The following EID2B variants were observed in gnomAD, a reference collection of about 807,000 sequenced individuals.
EID2B encodes EP300-interacting inhibitor of differentiation 2B.
EID2B carries 6 observed loss-of-function variants against 5.9 expected under a neutral mutation model. The ratio of observed to expected loss-of-function variants is 1.01; its 90% CI spans 0.55 to 2.00. The LOEUF is 2.00. Ranked by LOEUF, EID2B falls within the 30% of genes most tolerant of loss-of-function variation. EID2B has a pLI of 0.00. For missense variants in EID2B, 234 were observed against 228.1 expected (o/e 1.03, Z -0.17); for synonymous variants, 94 against 104.2 (o/e 0.90, Z 0.60).
In EID2B at chr19:39,532,505, G is replaced by C; in HGVS notation, c.298C>G (p.Leu100Val). The change falls in exon 1 of 1, where the codon CTG (leucine) becomes GTG (valine). Residue 100 changes from leucine to valine, a missense_variant. Leu to Val is a conservative substitution (Grantham distance 32, BLOSUM62 1). Coordinates refer to ENST00000326282, the MANE Select transcript of EID2B (RefSeq NM_152361.3). ...ACCGGAATCATGGAGCTACCATCCA[G>C]ATACTCGCGGAACAACAGCTGCCGG... ...INRQLLFREY[L>V]DGSSMIPVRL... The C allele has an allele frequency of 1.9e-6, 3 of 1,614,172 alleles. No homozygotes were observed. Among genetic ancestry groups the C allele is most frequent in the Non-Finnish European group, 2.5e-6 (3 of 1,180,044 alleles).
In EID2B at chr19:39,531,887, A is replaced by C; in HGVS notation, c.*430T>G. 1 of 155,278 alleles carries C rather than the reference A, an allele frequency of 6.4e-6. No homozygotes were observed. The highest frequency in any genetic ancestry group is 1.4e-5 in the Non-Finnish European group (1 of 70,140). 9.6% of individuals were successfully genotyped at this position (155,278 alleles called of 1,614,324 possible). A position where few individuals can be genotyped will look rare whatever the true frequency, so the allele number is the denominator to read the frequency against. On this transcript the variant is annotated 3_prime_UTR_variant, in exon 1 of 1. Coordinates refer to ENST00000326282, the MANE Select transcript of EID2B (RefSeq NM_152361.3). ...ACCATCCTTTATGGTGAAAGTCATG[A>C]AGGATTCTTCACAAATGCAGGAAAA...
rs1971969506 is a variant in EID2B, at chr19:39,532,159, G to A, written c.*158C>T. Reference sequence around the variant, plus strand: ...CAGTCTTGTCTGTTTCCATTTCGGAGTGTGCTTCCTCCTTCAATTGCACAT... The same window carrying A: ...CAGTCTTGTCTGTTTCCATTTCGGAATGTGCTTCCTCCTTCAATTGCACAT... On this transcript the variant is annotated 3_prime_UTR_variant, in exon 1 of 1. Coordinates refer to ENST00000326282, the MANE Select transcript of EID2B (RefSeq NM_152361.3). 2 of 786,202 alleles carry A rather than the reference G, an allele frequency of 2.5e-6. No individual in the cohort carries two copies. The highest frequency in any genetic ancestry group is 2.0e-6 in the Non-Finnish European group (1 of 500,122). The allele number at this position is 786,202 out of a possible 1,614,324, so 48.7% of individuals were successfully genotyped here. A position where few individuals can be genotyped will look rare whatever the true frequency, so the allele number is the denominator to read the frequency against.
rs1343924084 is a variant in EID2B at position 39,531,280 on chromosome 19, T to A, written c.*1037A>T. 2.0e-5 allele frequency: 3 copies of A among 152,328 alleles called. No homozygotes were observed. Among genetic ancestry groups the A allele is most frequent in the African/African-American group, 7.2e-5 (3 of 41,464 alleles). 9.4% of individuals were successfully genotyped at this position (152,328 alleles called of 1,614,324 possible). A position where few individuals can be genotyped will look rare whatever the true frequency, so the allele number is the denominator to read the frequency against. On this transcript the variant is annotated 3_prime_UTR_variant, in exon 1 of 1. Coordinates refer to ENST00000326282, the MANE Select transcript of EID2B (RefSeq NM_152361.3). ...CCTCCGCCTCCCAGGTTCAAGTGATTCTCCTGCCTCAGCCTCCCGAGTAGC... is the reference window on the plus strand; with the variant it reads ...CCTCCGCCTCCCAGGTTCAAGTGATACTCCTGCCTCAGCCTCCCGAGTAGC...
In EID2B at chr19:39,532,469, G is replaced by C. The variant is rs577606388; in HGVS notation, c.334C>G (p.Arg112Gly). 3 of 1,614,166 alleles carry C rather than the reference G, an allele frequency of 1.9e-6. No individual in the cohort carries two copies. The Admixed American group carries it at 5.0e-5, about 27-fold the overall frequency. ...AGCCTGCGGCGTTCCTCGAAATCCC[G>C]TAGTAATCTGACCGGAATCATGGAG... ...GSSMIPVRLL[R>G]DFEERRRLFV... The change falls in exon 1 of 1, where the codon CGG becomes GGG. Residue 112 changes from arginine (R) to glycine (G), a missense_variant. By Grantham distance (125) the Arg-to-Gly change is moderately radical (BLOSUM62 -2). Transcript: ENST00000326282.
Position 39,532,797 on chromosome 19 carries a change from C to A in EID2B, c.6G>T (p.Ala2=). 6.2e-7 allele frequency: 1 copy of A among 1,609,714 alleles called. No individual in the cohort carries two copies. The highest frequency in any genetic ancestry group is 1.3e-5 in the African/African-American group (1 of 75,066). Residue 2 remains alanine, a synonymous_variant, in exon 1 of 1, where the codon GCG becomes GCT. Transcript: ENST00000326282. ...ACATCTCCAACAGCCCAGTCGGCTC[C>A]GCCATAGTCCCAGCGTTTCTACGGA... M[A]EPTGLLEMSE...
rs1472514070 is a variant in EID2B at position 39,532,337 on chromosome 19, G to C, written c.466C>G (p.Leu156Val). ...CCGACTCAGTCGGCCAGAGGACTGAGGGCCTCGGAGGCAGTCAGCGCTACC... is the reference window on the plus strand; with the variant it reads ...CCGACTCAGTCGGCCAGAGGACTGACGGCCTCGGAGGCAGTCAGCGCTACC... ...FTVALTASEA[L>V]SPLAD The change falls in exon 1 of 1, where the codon CTC (leucine) becomes GTC (valine). Residue 156 changes from leucine (L) to valine (V), a missense_variant. Physicochemically the swap from Leu to Val is conservative, Grantham distance 32 (BLOSUM62 1). Transcript: ENST00000326282. 1 of 1,613,604 alleles carries C rather than the reference G, an allele frequency of 6.2e-7. No individual in the cohort carries two copies. The highest frequency in any genetic ancestry group is 1.7e-5 in the Admixed American group (1 of 59,994).
At position 39,532,167 on chromosome 19, in the gene EID2B, C is replaced by T; in HGVS notation, c.*150G>A. 2.3e-6 allele frequency: 2 copies of T among 867,854 alleles called. No individual in the cohort carries two copies. The highest frequency in any genetic ancestry group is 3.5e-6 in the Non-Finnish European group (2 of 571,702). 53.8% of individuals were successfully genotyped at this position (867,854 alleles called of 1,614,324 possible). On this transcript the variant is annotated 3_prime_UTR_variant, in exon 1 of 1. Transcript: ENST00000326282. ...TCTGTTTCCATTTCGGAGTGTGCTTCCTCCTTCAATTGCACATTGCCGTAT... is the reference window on the plus strand; with the variant it reads ...TCTGTTTCCATTTCGGAGTGTGCTTTCTCCTTCAATTGCACATTGCCGTAT...
At position 39,532,641 on chromosome 19, in the gene EID2B, C is replaced by G. The variant is rs550180281; in HGVS notation, c.162G>C (p.Ala54=). The G allele has an allele frequency of 7.6e-5, 122 of 1,607,892 alleles. No homozygotes were observed. Among genetic ancestry groups the G allele is most frequent in the Non-Finnish European group, 1.0e-5 (12 of 1,177,298 alleles). The change falls in exon 1 of 1, where the codon GCG becomes GCC. Residue 54 remains alanine, a synonymous_variant. Transcript: ENST00000326282. The part of the protein sequence containing the change: ...EAREGPVAEA[A]RSMARMPGPV... ...GGCCCGGCATCCGCGCCATGGACCG[C>G]GCAGCTTCGGCCACTGGGCCTTCCC...
Position 39,532,408 on chromosome 19 carries a change from A to G in EID2B, c.395T>C (p.Phe132Ser), listed in dbSNP as rs1289954396. ...GTCCATCTGCGGGGGATCCGCGTCA[A>G]AGGCTGCTTCCCTCGCCTTGCAGCC... ...VEGCKAREAA[F>S]DADPPQMDFA... is the part of the protein sequence containing the mutation. Residue 132 changes from phenylalanine (F) to serine (S), a missense_variant, in exon 1 of 1, where the codon TTT becomes TCT. Coordinates refer to ENST00000326282, the MANE Select transcript of EID2B (RefSeq NM_152361.3). 6.2e-7 allele frequency: 1 copy of G among 1,614,178 alleles called. No individual in the cohort carries two copies.
In EID2B at chr19:39,532,255, C is replaced by T. The variant is rs539916366; in HGVS notation, c.*62G>A. 1.9e-6 allele frequency: 3 copies of T among 1,566,424 alleles called. No individual in the cohort carries two copies. The African/African-American group carries it at 4.1e-5, about 21-fold the overall frequency. ...ACTAAACTGGCACAGCCTGCCTGTT[C>T]TTTTGATCCCAAAAGGGTCACTTGG... On this transcript the variant is annotated 3_prime_UTR_variant, in exon 1 of 1. Transcript: ENST00000326282.
rs1251762505 is a variant in EID2B at position 39,532,763 on chromosome 19, G to T, written c.40C>A (p.Pro14Thr). Reference protein sequence around the residue: ...PTGLLEMSELPGDSSVPQVGT... With the variant: ...PTGLLEMSELTGDSSVPQVGT... ...ACCTGTGGGACACTGCTATCTCCGG[G>T]GAGCTCGGACATCTCCAACAGCCCA... The change falls in exon 1 of 1, where the codon CCC (proline) becomes ACC (threonine). Residue 14 changes from proline to threonine, a missense_variant. Coordinates refer to ENST00000326282, the MANE Select transcript of EID2B (RefSeq NM_152361.3). The T allele has an allele frequency of 6.2e-7, 1 of 1,611,734 alleles. No homozygotes were observed. Among genetic ancestry groups the T allele is most frequent in the African/African-American group, 1.3e-5 (1 of 74,950 alleles).
At position 39,532,266 on chromosome 19, in the gene EID2B, A is replaced by C. The variant is rs780590706; in HGVS notation, c.*51T>G. 6.3e-7 allele frequency: 1 copy of C among 1,580,848 alleles called. No individual in the cohort carries two copies. ...ACAGCCTGCCTGTTCTTTTGATCCCAAAAGGGTCACTTGGCTATTCCTTGC... is the reference window on the plus strand; with the variant it reads ...ACAGCCTGCCTGTTCTTTTGATCCCCAAAGGGTCACTTGGCTATTCCTTGC... On this transcript the variant is annotated 3_prime_UTR_variant, in exon 1 of 1. Coordinates refer to ENST00000326282, the MANE Select transcript of EID2B (RefSeq NM_152361.3).
chr19:39,532,309 C>G lies in EID2B; in HGVS notation c.*8G>C. The G allele has an allele frequency of 6.2e-7, 1 of 1,609,992 alleles. No homozygotes were observed. Among genetic ancestry groups the G allele is most frequent in the South Asian group, 1.1e-5 (1 of 91,008 alleles). On this transcript the variant is annotated 3_prime_UTR_variant, in exon 1 of 1. Transcript: ENST00000326282. ...TTCCTTGCCACCAATGTCATCATCA[C>G]AGCCGACTCAGTCGGCCAGAGGACT... is the stretch of plus-strand genomic sequence containing the variant.
rs1416610737 is a variant in EID2B at position 39,531,614 on chromosome 19, T to C, written c.*703A>G. 6.6e-6 allele frequency: 1 copy of C among 152,198 alleles called. No homozygotes were observed. Among genetic ancestry groups the C allele is most frequent in the Non-Finnish European group, 1.5e-5 (1 of 68,036 alleles). 9.4% of individuals were successfully genotyped at this position (152,198 alleles called of 1,614,324 possible). A position where few individuals can be genotyped will look rare whatever the true frequency, so the allele number is the denominator to read the frequency against. Reference sequence around the variant, plus strand: ...AAAACACTGATCATATAATACGTGGTTTTTTCTATTGAATATTTACTGTTC... The same window carrying C: ...AAAACACTGATCATATAATACGTGGCTTTTTCTATTGAATATTTACTGTTC... On this transcript the variant is annotated 3_prime_UTR_variant, in exon 1 of 1. Coordinates refer to ENST00000326282, the MANE Select transcript of EID2B (RefSeq NM_152361.3).
At position 39,532,535 on chromosome 19, in the gene EID2B, T is replaced by C. The variant is rs767907651; in HGVS notation, c.268A>G (p.Ile90Val). The change falls in exon 1 of 1, where the codon ATT becomes GTT. Residue 90 changes from isoleucine (I) to valine (V), a missense_variant. Transcript: ENST00000326282. ...DPHQQLAFLE[I>V]NRQLLFREYL... ...TCGCGGAACAACAGCTGCCGGTTAA[T>C]TTCTAAGAAAGCGAGCTGCTGATGG... The C allele has an allele frequency of 2.5e-6, 4 of 1,613,976 alleles. No homozygotes were observed. Among genetic ancestry groups the C allele is most frequent in the African/African-American group, 1.3e-5 (1 of 74,932 alleles).
rs1310422607 is a variant in EID2B, at chr19:39,531,581, T to C, written c.*736A>G. On this transcript the variant is annotated 3_prime_UTR_variant, in exon 1 of 1. Transcript: ENST00000326282. The stretch of plus-strand genomic sequence containing the variant: ...TATTCCACACCTACCCAATTTCACA[T>C]AGACTTGAAAACACTGATCATATAA... 1 of 152,238 alleles carries C rather than the reference T, an allele frequency of 6.6e-6. No individual in the cohort carries two copies. Among genetic ancestry groups the C allele is most frequent in the Non-Finnish European group, 1.5e-5 (1 of 68,036 alleles). The allele number at this position is 152,238 out of a possible 1,614,324, so 9.4% of individuals were successfully genotyped here.
At position 39,532,755 on chromosome 19, in the gene EID2B, A is replaced by G; in HGVS notation, c.48T>C (p.Asp16=). The G allele has an allele frequency of 1.2e-6, 2 of 1,611,936 alleles. No homozygotes were observed. The highest frequency in any genetic ancestry group is 1.1e-5 in the South Asian group (1 of 90,936). ...CGGTGCCCACCTGTGGGACACTGCT[A>G]TCTCCGGGGAGCTCGGACATCTCCA... ...GLLEMSELPG[D]SSVPQVGTAS... Residue 16 remains aspartate, a synonymous_variant, in exon 1 of 1, where the codon GAT becomes GAC. Coordinates refer to ENST00000326282, the MANE Select transcript of EID2B (RefSeq NM_152361.3).
chr19:39,532,427 T>G lies in EID2B; in HGVS notation c.376A>C (p.Lys126Gln), dbSNP rs1444075190. The G allele has an allele frequency of 3.1e-6, 5 of 1,614,048 alleles. No homozygotes were observed. In the Admixed American group the frequency reaches 5.0e-5, roughly 16 times the overall value. ...ERRRLFVEGCKAREAAFDADP... is the reference protein window; with the variant it reads ...ERRRLFVEGCQAREAAFDADP... ...GCGTCAAAGGCTGCTTCCCTCGCCT[T>G]GCAGCCTTCCACAAACAGCCTGCGG... The change falls in exon 1 of 1, where the codon AAG becomes CAG. Residue 126 changes from lysine (K) to glutamine (Q), a missense_variant. Physicochemically the swap from Lys to Gln is moderately conservative, Grantham distance 53. Transcript: ENST00000326282.
At position 39,532,765 on chromosome 19, in the gene EID2B, A is replaced by T. The variant is rs1254173064; in HGVS notation, c.38T>A (p.Leu13His). Residue 13 changes from leucine (L) to histidine (H), a missense_variant, in exon 1 of 1, where the codon CTC (leucine) becomes CAC (histidine). By Grantham distance (99) the Leu-to-His change is moderately conservative (BLOSUM62 -3). Transcript: ENST00000326282. ...EPTGLLEMSE[L>H]PGDSSVPQVG... ...CTGTGGGACACTGCTATCTCCGGGG[A>T]GCTCGGACATCTCCAACAGCCCAGT... is the stretch of plus-strand genomic sequence containing the variant. 6.2e-7 allele frequency: 1 copy of T among 1,611,768 alleles called. No homozygotes were observed. Among genetic ancestry groups the T allele is most frequent in the South Asian group, 1.1e-5 (1 of 90,950 alleles).
Sources: allele counts gnomAD v4.1 joint callset, GRCh38; gene constraint gnomAD v4.1.1; transcripts MANE v1.5; gene names NCBI Gene and HGNC (gene_info 2026-07-23, HGNC 2026-07-21).